Variants in PPP3CA observed in about 807,000 individuals in gnomAD.
PPP3CA encodes protein phosphatase 3 catalytic subunit alpha, also known as CAM-PRP catalytic subunit.
A neutral mutation model predicts 66.5 loss-of-function variants in PPP3CA; 14 were observed. The ratio of observed to expected loss-of-function variants is 0.21; its 90% CI spans 0.14 to 0.33. PPP3CA has a LOEUF of 0.33. Among genes scored for constraint, PPP3CA ranks in the 10% least tolerant of loss-of-function variants. The pLI is 1.00. For missense variants in PPP3CA, 317 were observed against 639.5 expected, an observed-to-expected ratio of 0.50 and a Z score of 5.44; for synonymous variants, 232 against 226.2, an observed-to-expected ratio of 1.03 and a Z score of -0.23.
intron 11 of PPP3CA, among the ~76,000 whole-genome samples, chr4:101,036,751 C>T (rs1727272731): frequency 6.6e-6 from 1 of 152,138 alleles, no homozygotes; most frequent in South Asian, 2.1e-4. Context: ...CTCTGAACCT[C>T]CAGGGCAGAA....
intron 1 of PPP3CA, among the ~76,000 whole-genome samples, chr4:101,293,006 C>G (rs1459632870): frequency 6.6e-6 from 1 of 152,110 alleles, no homozygotes; most frequent in Non-Finnish European, 1.5e-5. Context: ...CAAATCTCAC[C>G]TACTATTTCA....
intron 1 of PPP3CA, among the ~76,000 whole-genome samples, chr4:101,301,147 T>C (rs1006392193): frequency 1.3e-5 from 2 of 151,984 alleles, no homozygotes; most frequent in Admixed American, 1.3e-4. Flanking sequence ...TAAATGCATA[T>C]ATTTGTATAT....
At chr4:101,298,102 C>T (rs190012850) in intron 1 of PPP3CA, among the ~76,000 whole-genome samples, 5 of 152,068 alleles carry the variant, frequency 3.3e-5, no homozygotes, top group East Asian at 3.9e-4. Context: ...TTCCAAAGAC[C>T]TAGGACTGTA....
intron 2 of PPP3CA, among the ~76,000 whole-genome samples, chr4:101,182,783 A>G (rs1848116): frequency 0.23 from 35,315 of 151,980 alleles, 4,724 homozygotes; most frequent in East Asian, 0.46. Context: ...GAGATAATTG[A>G]ATCATGGCAG....
At chr4:101,171,837 C>T (rs566609747) in intron 2 of PPP3CA, among the ~76,000 whole-genome samples, 17 of 152,108 alleles carry the variant, frequency 1.1e-4, no homozygotes, top group African/African-American at 4.1e-4. Flanking sequence ...TGTTTAATAC[C>T]GATTTCTGCT....
intron 1 of PPP3CA, among the ~76,000 whole-genome samples, chr4:101,235,431 T>TCACACACA (rs57851713): frequency 0.034 from 5,007 of 148,092 alleles, 144 homozygotes; most frequent in African/African-American, 0.075. Context: ...AAACATACAC[T>TCACACACA]CACACACACA....
chr4:101,250,118 T>G (rs1726626504), intron 1 of PPP3CA, among the ~76,000 whole-genome samples: 1 of 152,090 alleles, frequency 6.6e-6, no homozygotes, highest in Non-Finnish European at 1.5e-5. Context: ...AATAATTGAG[T>G]TTTTGGAATT....
chr4:101,266,595 A>C (rs1348565128), intron 1 of PPP3CA, among the ~76,000 whole-genome samples: 1 of 152,190 alleles, frequency 6.6e-6, no homozygotes, highest in Non-Finnish European at 1.5e-5. Context: ...TGAAATCTCA[A>C]GGAAATATCA....
intron 2 of PPP3CA, among the ~76,000 whole-genome samples, chr4:101,113,362 C>G (rs1287638227): frequency 1.3e-5 from 2 of 152,102 alleles, no homozygotes. Flanking sequence ...GCACACACAG[C>G]CTTCATTCTG....
At chr4:101,242,425 G>A (rs1726340389) in intron 1 of PPP3CA, among the ~76,000 whole-genome samples, 1 of 151,890 alleles carries the variant, frequency 6.6e-6, no homozygotes, top group Non-Finnish European at 1.5e-5. Flanking sequence ...AAATACACAA[G>A]TCCTAAGGAG....
intron 1 of PPP3CA, among the ~76,000 whole-genome samples, chr4:101,282,478 A>G (rs1727716606): frequency 6.6e-6 from 1 of 152,172 alleles, no homozygotes; most frequent in Non-Finnish European, 1.5e-5. Flanking sequence ...TCTAAATGAC[A>G]GCGCAGTCAG....
chr4:101,252,784 C>T (rs1165577100), intron 1 of PPP3CA, among the ~76,000 whole-genome samples: 3 of 152,146 alleles, frequency 2.0e-5, no homozygotes, highest in Non-Finnish European at 4.4e-5. Flanking sequence ...CCCTCTTGTC[C>T]TCTTGCCTCC....
chr4:101,280,407 A>C (rs1727641844), intron 1 of PPP3CA, among the ~76,000 whole-genome samples: 2 of 152,320 alleles, frequency 1.3e-5, no homozygotes, highest in African/African-American at 4.8e-5. Flanking sequence ...AGAAAGAACA[A>C]GGGAAAGCAA....
chr4:101,094,749 TATC>T (rs1730118081), intron 5 of PPP3CA, among the ~76,000 whole-genome samples: 1 of 152,178 alleles, frequency 6.6e-6, no homozygotes, highest in Non-Finnish European at 1.5e-5. Flanking sequence ...ATATTAGAAA[TATC>T]ATCACTGGAA....
At chr4:101,306,738 C>T (rs1026590727) in intron 1 of PPP3CA, among the ~76,000 whole-genome samples, 3 of 152,106 alleles carry the variant, frequency 2.0e-5, no homozygotes, top group African/African-American at 7.2e-5. Flanking sequence ...GTTGATATAT[C>T]GAGCATTACA....
chr4:101,069,927 G>A (rs181317217), intron 8 of PPP3CA, among the ~76,000 whole-genome samples: 20 of 152,162 alleles, frequency 1.3e-4, no homozygotes, highest in East Asian at 1.2e-3. Flanking sequence ...TATGTTATCA[G>A]GAAGGCTCTG....
chr4:101,195,845 G>A (rs1724771920), intron 2 of PPP3CA, 71 bp downstream of exon 2: 1 of 1,359,148 alleles, frequency 7.4e-7, no homozygotes, highest in Non-Finnish European at 1.0e-6. Flanking sequence ...CTGGTAACTA[G>A]GACTTTTGAT....
chr4:101,216,139 C>A (rs1021686792), intron 1 of PPP3CA, among the ~76,000 whole-genome samples: 2 of 152,084 alleles, frequency 1.3e-5, no homozygotes, highest in Admixed American at 6.6e-5. Flanking sequence ...GGCTGACCTA[C>A]ATATGAATGC....
At chr4:101,214,662 TA>T (rs1725403609) in intron 1 of PPP3CA, among the ~76,000 whole-genome samples, 1 of 152,078 alleles carries the variant, frequency 6.6e-6, no homozygotes, top group African/African-American at 2.4e-5. Flanking sequence ...GGATAATCTG[TA>T]AAAGCTCCCC....
Sources: gnomAD v4.1 joint callset for allele counts (sites outside exome capture counted in the v4.1 genomes callset) on GRCh38, gnomAD v4.1.1 for gene constraint, MANE v1.5 for transcripts, NCBI Gene and HGNC (gene_info 2026-07-23, HGNC 2026-07-21) for gene names.